The following RICTOR variants were observed in gnomAD, a reference collection of about 807,000 sequenced individuals.
The protein encoded by RICTOR is RPTOR independent companion of MTOR complex 2.
RICTOR carries 49 observed loss-of-function variants against 214.9 expected under a neutral mutation model. That is an observed-to-expected ratio of 0.23 (90% CI 0.18 to 0.29). The LOEUF is 0.29. Ranked by LOEUF, RICTOR falls within the 10% of genes least tolerant of loss-of-function variation. The pLI is 1.00. For synonymous variants in RICTOR, 717 were observed against 711.3 expected, an observed-to-expected ratio of 1.01 and a Z score of -0.13; for missense variants, 1,625 against 2,047.0, an observed-to-expected ratio of 0.79 and a Z score of 3.98.
chr5:38,995,654 T>G (rs1753126504), intron 6 of RICTOR, among the ~76,000 whole-genome samples: 1 of 152,126 alleles, frequency 6.6e-6, no homozygotes, highest in Admixed American at 6.5e-5. Context: ...TAATATATAT[T>G]TTAGTCCCTA....
chr5:39,061,149 T>C (rs1328052932), intron 2 of RICTOR, among the ~76,000 whole-genome samples: 1 of 152,080 alleles, frequency 6.6e-6, no homozygotes, highest in Non-Finnish European at 1.5e-5. Flanking sequence ...ACTCAATAAA[T>C]ACTTGGTGAG....
At chr5:39,034,487 G>A (rs149656261) in intron 2 of RICTOR, among the ~76,000 whole-genome samples, 2,769 of 152,314 alleles carry the variant, frequency 0.018, 97 homozygotes, top group African/African-American at 0.063. Context: ...TGGGTGCAGC[G>A]CACCGTGCAT....
intron 2 of RICTOR, among the ~76,000 whole-genome samples, chr5:39,030,571 C>T (rs944652054): frequency 2.6e-5 from 4 of 152,000 alleles, no homozygotes; most frequent in African/African-American, 7.2e-5. Flanking sequence ...AATATTTTCA[C>T]TCTAAAACAG....
In RICTOR at chr5:38,947,295, G is replaced by A; in HGVS notation, c.4283C>T (p.Ala1428Val). 6.2e-7 allele frequency: 1 copy of A among 1,612,530 alleles called. No homozygotes were observed. Among genetic ancestry groups the A allele is most frequent in the South Asian group, 1.1e-5 (1 of 90,996 alleles). The change falls in exon 32 of 38, where the codon GCT (alanine) becomes GTT (valine). Residue 1428 changes from alanine to valine, a missense_variant. This residue lies in a region of RICTOR where 1,214 missense variants were observed against 1,470.5 expected (regional missense o/e 0.83). Coordinates refer to ENST00000357387, the MANE Select transcript of RICTOR (RefSeq NM_152756.5). ...TATATCATTTATATCCACCGGGAGA[G>A]CAAGACCAATGTAATCATCTGAACC... Reference protein sequence around the residue: ...YGGSDDYIGLALPVDINDIFQ... With the variant: ...YGGSDDYIGLVLPVDINDIFQ...
intron 2 of RICTOR, among the ~76,000 whole-genome samples, chr5:39,061,216 C>T (rs959995477): frequency 2.0e-5 from 3 of 150,104 alleles, no homozygotes; most frequent in Admixed American, 6.6e-5. Flanking sequence ...ACAGCAGGGT[C>T]CAGCCTGATT....
At chr5:39,049,489 ATAAAACT>A (rs957897734) in intron 2 of RICTOR, among the ~76,000 whole-genome samples, 3 of 152,174 alleles carry the variant, frequency 2.0e-5, no homozygotes, top group African/African-American at 7.2e-5. Context: ...GCAGCCACAG[ATAAAACT>A]TAAAACAAAT....
intron 2 of RICTOR, among the ~76,000 whole-genome samples, chr5:39,072,593 G>C (rs756417426): frequency 2.0e-5 from 3 of 152,116 alleles, no homozygotes; most frequent in Non-Finnish European, 2.9e-5. Context: ...TTACAGACCT[G>C]AAATTGTAGA....
At chr5:38,947,234 A>C in intron 32 of RICTOR, 30 bp downstream of exon 32, 1 of 1,535,024 alleles carries the variant, frequency 6.5e-7, no homozygotes, top group South Asian at 1.2e-5. Flanking sequence ...AAACCAACTC[A>C]TAGGAAAACA....
rs967655298 is a variant in RICTOR at position 39,018,338 on chromosome 5, A to G, written c.195+2701T>C. Among the ~76,000 whole-genome samples the G allele has an allele frequency of 2.0e-5, 3 of 152,112 alleles. No individual in the cohort carries two copies. The East Asian group carries it at 5.8e-4, about 29-fold the overall frequency. On this transcript the variant is annotated intron_variant, in intron 3 of 37. Transcript: ENST00000357387. ...AATATAGTTCTTTGGGCTTATGGCT[A>G]TATTTATGAAATATGGCACACATAT...
chr5:38,949,393 T>C (rs1399138790), intron 31 of RICTOR: 1 of 1,592,508 alleles, frequency 6.3e-7, no homozygotes, highest in Non-Finnish European at 8.5e-7. Context: ...CTTAAGCTCC[T>C]GATTCCCCCG....
intron 5 of RICTOR, among the ~76,000 whole-genome samples, 155 bp downstream of exon 5, chr5:39,002,380 G>C (rs1449914429): frequency 7.7e-6 from 1 of 130,432 alleles, no homozygotes; most frequent in Non-Finnish European, 1.7e-5. Flanking sequence ...CTTGTTACTT[G>C]GTTGTGTGTG....
At position 39,036,075 on chromosome 5, in the gene RICTOR, G is replaced by A. The variant is rs566551523; in HGVS notation, c.98-14939C>T. Among the ~76,000 whole-genome samples the A allele has an allele frequency of 3.3e-5, 5 of 152,292 alleles. No homozygotes were observed. In the South Asian group the frequency reaches 1.0e-3, roughly 32 times the overall value. ...TAAGGGAAGCCAGAGAGAAAGGTCG[G>A]GTTACCCACAAAGGGAAGCCCATCA... On this transcript the variant is annotated intron_variant, in intron 2 of 37. Coordinates refer to ENST00000357387, the MANE Select transcript of RICTOR (RefSeq NM_152756.5).
chr5:39,026,676 A>G (rs986626034), intron 2 of RICTOR, among the ~76,000 whole-genome samples: 4 of 151,590 alleles, frequency 2.6e-5, no homozygotes, highest in African/African-American at 9.7e-5. Context: ...GTGACACTGT[A>G]GATACTCTGT....
chr5:39,011,607 A>T (rs1422275737), intron 3 of RICTOR, among the ~76,000 whole-genome samples: 1 of 152,164 alleles, frequency 6.6e-6, no homozygotes, highest in East Asian at 1.9e-4. Context: ...AAAGCCATAG[A>T]GGTGGAGCTG....
At chr5:39,041,339 A>G (rs756805148) in intron 2 of RICTOR, among the ~76,000 whole-genome samples, 37 of 152,208 alleles carry the variant, frequency 2.4e-4, no homozygotes, top group Non-Finnish European at 4.3e-4. Context: ...GAATAAATGA[A>G]AATGGAGCTA....
At chr5:39,001,695 A>G (rs949536245) in intron 5 of RICTOR, among the ~76,000 whole-genome samples, 23 of 152,056 alleles carry the variant, frequency 1.5e-4, no homozygotes, top group Non-Finnish European at 2.4e-4. Context: ...ATAACAAGAA[A>G]GATAATCCAA....
intron 7 of RICTOR, among the ~76,000 whole-genome samples, chr5:38,989,905 C>T (rs1274350415): frequency 6.6e-6 from 1 of 152,130 alleles, no homozygotes; most frequent in Admixed American, 6.5e-5. Context: ...GTTGGTGGGA[C>T]TGTAAATTAG....
intron 2 of RICTOR, among the ~76,000 whole-genome samples, chr5:39,037,237 A>C (rs923030337): frequency 6.6e-6 from 1 of 152,226 alleles, no homozygotes; most frequent in African/African-American, 2.4e-5. Flanking sequence ...TAACGAAATG[A>C]AGGCAGAAAT....
intron 5 of RICTOR, among the ~76,000 whole-genome samples, chr5:39,000,246 A>AC (rs1397422194): frequency 1.3e-5 from 2 of 152,006 alleles, no homozygotes; most frequent in African/African-American, 4.8e-5. Flanking sequence ...GACAAAAAAA[A>AC]ATACATATCT....
Sources: gnomAD v4.1 joint callset for allele counts (sites outside exome capture counted in the v4.1 genomes callset) on GRCh38, gnomAD v4.1.1 for gene constraint, gnomAD v4.1.1 regional missense constraint, MANE v1.5 for transcripts, NCBI Gene and HGNC (gene_info 2026-07-23, HGNC 2026-07-21) for gene names.